SPTBN1: variants seen among roughly 807,000 people sequenced by gnomAD.
The protein encoded by SPTBN1 is spectrin beta chain, non-erythrocytic 1.
Under a neutral mutation model 266.4 loss-of-function variants are expected in SPTBN1, and 32 were observed. The ratio of observed to expected loss-of-function variants is 0.12; its 90% CI spans 0.09 to 0.16. The LOEUF (loss-of-function observed/expected upper bound fraction) is 0.16, where lower values mean the gene tolerates loss of function less well. Ranked by LOEUF, SPTBN1 falls within the 10% of genes least tolerant of loss-of-function variation. The pLI is 1.00. For missense variants in SPTBN1, 2,296 were observed against 3,067.1 expected (o/e 0.75, Z 5.94); for synonymous variants, 1,336 against 1,162.2 (o/e 1.15, Z -3.04).
At chr2:54,507,180 T>C (rs1397712908) in intron 1 of SPTBN1, among the ~76,000 whole-genome samples, 2 of 152,188 alleles carry the variant, frequency 1.3e-5, no homozygotes, top group Non-Finnish European at 2.9e-5. Context: ...TGGAATGTTA[T>C]CAGTTAAGGC....
rs529968404 is a variant in SPTBN1, at chr2:54,593,879, G to T, written c.149-5213G>T. ...ACAGAGTCTTAACGCTGTCGCCCAGGCTGGAGTGCGGTGGCATGATCTTGG... is the reference window on the plus strand; with the variant it reads ...ACAGAGTCTTAACGCTGTCGCCCAGTCTGGAGTGCGGTGGCATGATCTTGG... On this transcript the variant is annotated intron_variant, in intron 2 of 35. Transcript: ENST00000356805. Among the ~76,000 whole-genome samples, 22 of 131,068 alleles carry T rather than the reference G, an allele frequency of 1.7e-4. No homozygotes were observed. In the East Asian group the frequency reaches 5.0e-3, roughly 30 times the overall value. The allele number at this position is 131,068 out of a possible 152,430, so 86.0% of individuals were successfully genotyped here.
At chr2:54,610,603 A>G (rs1247152082) in intron 3 of SPTBN1, among the ~76,000 whole-genome samples, 2 of 152,218 alleles carry the variant, frequency 1.3e-5, no homozygotes, top group African/African-American at 4.8e-5. Context: ...AAGATATTTC[A>G]CAAAAAAGTG....
chr2:54,661,621 T>G, intron 32 of SPTBN1: 7 of 985,864 alleles, frequency 7.1e-6, no homozygotes, highest in Non-Finnish European at 8.4e-6. Flanking sequence ...AAAATTCATT[T>G]TAGACAAAAA....
chr2:54,622,396 C>T lies in SPTBN1; in HGVS notation c.973C>T (p.Leu325=). 3 of 1,614,230 alleles carry T rather than the reference C, an allele frequency of 1.9e-6. No homozygotes were observed. The highest frequency in any genetic ancestry group is 2.5e-6 in the Non-Finnish European group (3 of 1,180,036). ...ATGGATTGAACAAACCATCATCATT[C>T]TGAACAATCGCAAATTTGCCAATTC... is the stretch of plus-strand genomic sequence containing the variant. The part of the protein sequence containing the change: ...LEWIEQTIII[L]NNRKFANSLV... Residue 325 remains leucine (L), a synonymous_variant, in exon 9 of 36, where the codon CTG becomes TTG. Coordinates refer to ENST00000356805, the MANE Select transcript of SPTBN1 (RefSeq NM_003128.3).
chr2:54,592,488 G>A (rs1049289825), intron 2 of SPTBN1, among the ~76,000 whole-genome samples: 1 of 151,808 alleles, frequency 6.6e-6, no homozygotes, highest in Non-Finnish European at 1.5e-5. Flanking sequence ...GGGTTCAAAC[G>A]ATTCTCCTGC....
intron 7 of SPTBN1, among the ~76,000 whole-genome samples, chr2:54,620,066 A>T (rs552474003): frequency 6.6e-6 from 1 of 152,340 alleles, no homozygotes; most frequent in African/African-American, 2.4e-5. Context: ...CCGAACTTCA[A>T]AGACTTGCCA....
In SPTBN1 at chr2:54,668,935, A is replaced by C. The variant is rs2104284526; in HGVS notation, c.*366A>C. 1 of 241,610 alleles carries C rather than the reference A, an allele frequency of 4.1e-6. No individual in the cohort carries two copies. The highest frequency in any genetic ancestry group is 8.2e-6 in the Non-Finnish European group (1 of 121,936). The allele number at this position is 241,610 out of a possible 1,614,324, so 15.0% of individuals were successfully genotyped here. A position where few individuals can be genotyped will look rare whatever the true frequency, so the allele number is the denominator to read the frequency against. On this transcript the variant is annotated 3_prime_UTR_variant, in exon 36 of 36. Coordinates refer to ENST00000356805, the MANE Select transcript of SPTBN1 (RefSeq NM_003128.3). Reference sequence around the variant, plus strand: ...AATCAATATTTCCTGTGCTCACCAGAGGCAAAATGTACCAATATCCTGACA... The same window carrying C: ...AATCAATATTTCCTGTGCTCACCAGCGGCAAAATGTACCAATATCCTGACA...
At chr2:54,457,338 C>T (rs906523642) in intron 1 of SPTBN1, 6 of 152,530 alleles carry the variant, frequency 3.9e-5, no homozygotes, top group African/African-American at 1.4e-4. Context: ...TCACCCCCCA[C>T]ACCACGCCCA....
In SPTBN1 at chr2:54,670,897, T is replaced by A. The variant is rs1028192262; in HGVS notation, c.*2328T>A. The A allele has an allele frequency of 5.0e-6, 2 of 398,184 alleles. No homozygotes were observed. The highest frequency in any genetic ancestry group is 8.8e-5 in the Admixed American group (2 of 22,712). The allele number at this position is 398,184 out of a possible 1,614,324, so 24.7% of individuals were successfully genotyped here. A position where few individuals can be genotyped will look rare whatever the true frequency, so the allele number is the denominator to read the frequency against. Reference sequence around the variant, plus strand: ...TCAAGACGTGTTCGCCATCAGAGGTTACAGGCCGCACAGCCTGATGAGCTT... The same window carrying A: ...TCAAGACGTGTTCGCCATCAGAGGTAACAGGCCGCACAGCCTGATGAGCTT... On this transcript the variant is annotated 3_prime_UTR_variant, in exon 36 of 36. Coordinates refer to ENST00000356805, the MANE Select transcript of SPTBN1 (RefSeq NM_003128.3).
chr2:54,509,603 C>T (rs1477702023), intron 1 of SPTBN1, among the ~76,000 whole-genome samples: 3 of 152,182 alleles, frequency 2.0e-5, no homozygotes, highest in South Asian at 2.1e-4. Context: ...TGAGAGTTAG[C>T]AGTGCCATTG....
Position 54,649,737 on chromosome 2 carries a change from C to G in SPTBN1, c.5325C>G (p.Thr1775=). Reference sequence around the variant, plus strand: ...ACTCTGGACATTCAGATGCCGCCACCATCGCTGAATGGAAGGATGGCCTCA... The same window carrying G: ...ACTCTGGACATTCAGATGCCGCCACGATCGCTGAATGGAAGGATGGCCTCA... ...LINSGHSDAA[T]IAEWKDGLNE... Residue 1775 remains threonine, a synonymous_variant, in exon 26 of 36, where the codon ACC becomes ACG. Transcript: ENST00000356805. This position sits in a 1 kb window ranked among gnomAD's most constrained non-coding sequence, Gnocchi z 6.7. 1 of 1,614,192 alleles carries G rather than the reference C, an allele frequency of 6.2e-7. No individual in the cohort carries two copies. The highest frequency in any genetic ancestry group is 8.5e-7 in the Non-Finnish European group (1 of 1,180,040).
In SPTBN1 at chr2:54,526,795, G is replaced by C. The variant is rs1670845216; in HGVS notation, c.148+229G>C. 3 of 390,184 alleles carry C rather than the reference G, an allele frequency of 7.7e-6. No individual in the cohort carries two copies. The South Asian group carries it at 2.4e-4, about 32-fold the overall frequency. The allele number at this position is 390,184 out of a possible 1,614,324, so 24.2% of individuals were successfully genotyped here. On this transcript the variant is annotated intron_variant, in intron 2 of 35. Coordinates refer to ENST00000356805, the MANE Select transcript of SPTBN1 (RefSeq NM_003128.3). ...TTCAGAGCACAGAGTGTTATTTATA[G>C]CAATTCAAGAACAGCTGCCCTAAGT... is the stretch of plus-strand genomic sequence containing the variant.
Position 54,499,446 on chromosome 2 carries a change from C to T in SPTBN1, c.-47-26926C>T, listed in dbSNP as rs971835838. On this transcript the variant is annotated intron_variant, in intron 1 of 35. Transcript: ENST00000356805. Reference sequence around the variant, plus strand: ...GGCTTTTGAACCATAACTGATTTGACAAGAAATGGACATAATGGAGGAAGG... The same window carrying T: ...GGCTTTTGAACCATAACTGATTTGATAAGAAATGGACATAATGGAGGAAGG... 3.9e-5 allele frequency among the ~76,000 whole-genome samples: 6 copies of T among 152,262 alleles called. No homozygotes were observed. In the South Asian group the frequency reaches 1.0e-3, roughly 26 times the overall value.
At chr2:54,635,759 G>C (rs1421809880) in intron 17 of SPTBN1, among the ~76,000 whole-genome samples, 1 of 152,182 alleles carries the variant, frequency 6.6e-6, no homozygotes, top group African/African-American at 2.4e-5. Context: ...ACTACTGGCA[G>C]GACTCCTGCA....
intron 10 of SPTBN1, among the ~76,000 whole-genome samples, chr2:54,624,342 A>G (rs1273500478): frequency 1.3e-5 from 2 of 152,168 alleles, no homozygotes; most frequent in African/African-American, 4.8e-5. Context: ...TTTCCTAGGA[A>G]TGAATTTAAT....
chr2:54,608,709 C>T (rs1032710255), intron 3 of SPTBN1, among the ~76,000 whole-genome samples: 7 of 151,416 alleles, frequency 4.6e-5, no homozygotes, highest in Admixed American at 2.0e-4. Flanking sequence ...CACGAGTGCG[C>T]GCATGCACAC....
intron 1 of SPTBN1, among the ~76,000 whole-genome samples, chr2:54,497,262 A>T (rs1218789335): frequency 6.6e-6 from 1 of 152,254 alleles, no homozygotes; most frequent in Non-Finnish European, 1.5e-5. Context: ...GAAGGAATTA[A>T]TACATTTTGT....
chr2:54,621,601 A>G, intron 8 of SPTBN1, 89 bp downstream of exon 8: 1 of 979,136 alleles, frequency 1.0e-6, no homozygotes, highest in Non-Finnish European at 1.6e-6. Context: ...ATTTGCCAAT[A>G]GCAATTTGTA....
chr2:54,591,954 G>C (rs950184499), intron 2 of SPTBN1, among the ~76,000 whole-genome samples: 3 of 152,108 alleles, frequency 2.0e-5, no homozygotes, highest in African/African-American at 4.8e-5. Flanking sequence ...GATCACTGGA[G>C]ACCAGGAGTT....
Sources: allele counts gnomAD v4.1 joint callset (sites outside exome capture counted in the v4.1 genomes callset), GRCh38; gene constraint gnomAD v4.1.1; non-coding constraint Gnocchi (gnomAD v3.1); transcripts MANE v1.5; gene names NCBI Gene and HGNC (gene_info 2026-07-23, HGNC 2026-07-21).